PMM2: variants seen among roughly 807,000 people sequenced by gnomAD.
PMM2 encodes the protein phosphomannomutase 2.
A neutral mutation model predicts 33.2 loss-of-function variants in PMM2; 35 were observed. That is an observed-to-expected ratio of 1.06 (90% CI 0.81 to 1.40). PMM2 has a LOEUF of 1.40. Among genes scored for constraint, PMM2 ranks in the 40% most tolerant of loss-of-function variants. The probability of loss-of-function intolerance (pLI) is 0.00; values close to 1 mark genes in which losing one functional copy is unlikely to be tolerated. For synonymous variants in PMM2, 153 were observed against 114.7 expected, an observed-to-expected ratio of 1.33 and a Z score of -2.13; for missense variants, 386 against 306.0, an observed-to-expected ratio of 1.26 and a Z score of -1.95.
rs2060618205 is a variant in PMM2, at chr16:8,801,831, A to G, written c.99A>G (p.Gln33=). Residue 33 remains glutamine (Q), a synonymous_variant, in exon 2 of 8, where the codon CAA becomes CAG. Coordinates refer to ENST00000268261, the MANE Select transcript of PMM2 (RefSeq NM_000303.3). The stretch of plus-strand genomic sequence containing the variant: ...CCAAAGAAATGGATGACTTCCTACA[A>G]AAATTGAGGCAGAAGATCAAAATCG... The part of the protein sequence containing the change: ...KITKEMDDFL[Q]KLRQKIKIGV... The G allele has an allele frequency of 4.3e-6, 7 of 1,611,724 alleles. No homozygotes were observed. The highest frequency in any genetic ancestry group is 3.3e-5 in the South Asian group (3 of 90,932).
chr16:8,847,698 T>C, intron 7 of PMM2, 26 bp from the exon 8 acceptor site: 1 of 1,535,048 alleles, frequency 6.5e-7, no homozygotes, highest in Non-Finnish European at 9.0e-7. Context: ...AGGGGGAGCC[T>C]TCATCTGTAC....
intron 7 of PMM2, among the ~76,000 whole-genome samples, chr16:8,841,709 G>GA (rs2060891942): frequency 8.1e-6 from 1 of 122,976 alleles, no homozygotes; most frequent in Non-Finnish European, 1.8e-5. Flanking sequence ...TGAGGAACAG[G>GA]AAAGAAGGAA....
chr16:8,826,875 C>T (rs2060771423), intron 7 of PMM2, among the ~76,000 whole-genome samples: 1 of 152,028 alleles, frequency 6.6e-6, no homozygotes, highest in African/African-American at 2.4e-5. Flanking sequence ...CTGACTTGTC[C>T]TATGTGTCCC....
At chr16:8,807,050 A>G (rs951978935) in intron 4 of PMM2, 5 of 153,828 alleles carry the variant, frequency 3.3e-5, no homozygotes, top group African/African-American at 1.2e-4. Context: ...GCTGGAGTGC[A>G]GTGGCAGGAT....
chr16:8,798,065 C>T, intron 1 of PMM2, 117 bp downstream of exon 1: 2 of 965,228 alleles, frequency 2.1e-6, no homozygotes, highest in Non-Finnish European at 3.2e-6. Context: ...CCTACGTCCT[C>T]ACGGCGCTGA....
intron 7 of PMM2, among the ~76,000 whole-genome samples, chr16:8,845,967 C>G (rs541277216): frequency 4.6e-5 from 7 of 152,222 alleles, no homozygotes; most frequent in East Asian, 3.9e-4. Flanking sequence ...ATCAGAATTA[C>G]CAGAACTGAT....
intron 6 of PMM2, 97 bp downstream of exon 6, chr16:8,811,810 T>C: frequency 3.5e-6 from 3 of 852,912 alleles, no homozygotes; most frequent in Non-Finnish European, 6.1e-6. Context: ...TGTGCAGTTT[T>C]AGGTGGGCAG....
chr16:8,821,912 G>A (rs545013641), intron 7 of PMM2, among the ~76,000 whole-genome samples: 5 of 152,340 alleles, frequency 3.3e-5, no homozygotes, highest in South Asian at 2.1e-4. Context: ...ACTGCTCTAC[G>A]CCATTTCAGA....
intron 7 of PMM2, among the ~76,000 whole-genome samples, chr16:8,844,068 G>A (rs1036839820): frequency 4.6e-5 from 7 of 152,154 alleles, no homozygotes; most frequent in Admixed American, 1.3e-4. Context: ...CCCATTTTAC[G>A]ACAAGAATTA....
In PMM2 at chr16:8,848,390, C is replaced by G. The variant is rs933787370; in HGVS notation, c.*565C>G. 3 of 170,832 alleles carry G rather than the reference C, an allele frequency of 1.8e-5. No homozygotes were observed. Among genetic ancestry groups the G allele is most frequent in the African/African-American group, 7.2e-5 (3 of 41,872 alleles). The allele number at this position is 170,832 out of a possible 1,614,324, so 10.6% of individuals were successfully genotyped here. On this transcript the variant is annotated 3_prime_UTR_variant, in exon 8 of 8. Transcript: ENST00000268261. Reference sequence around the variant, plus strand: ...AGTGGGGCAGTGTGATACCCAGTGACTAGACGCACTCTGCGTTTTCCCGTG... The same window carrying G: ...AGTGGGGCAGTGTGATACCCAGTGAGTAGACGCACTCTGCGTTTTCCCGTG...
intron 1 of PMM2, among the ~76,000 whole-genome samples, chr16:8,800,179 T>G (rs1291224040): frequency 6.6e-6 from 1 of 151,892 alleles, no homozygotes; most frequent in Non-Finnish European, 1.5e-5. Context: ...GCCAACATGG[T>G]GAAACCCAGT....
At chr16:8,839,195 C>T (rs568805920) in intron 7 of PMM2, among the ~76,000 whole-genome samples, 3 of 151,996 alleles carry the variant, frequency 2.0e-5, no homozygotes, top group African/African-American at 7.2e-5. Flanking sequence ...GGGAGCTCTT[C>T]GTTCCTATTT....
chr16:8,832,270 T>A (rs1421661813), intron 7 of PMM2: 1 of 985,262 alleles, frequency 1.0e-6, no homozygotes, highest in Non-Finnish European at 1.2e-6. Context: ...ATGCAGATGC[T>A]CCTGCGAGCC....
chr16:8,832,303 G>T, intron 7 of PMM2: 1 of 985,452 alleles, frequency 1.0e-6, no homozygotes, highest in Non-Finnish European at 1.2e-6. Context: ...GAAAGCGGGT[G>T]GAGCTGAGAA....
chr16:8,816,473 G>T (rs1009867159), intron 7 of PMM2, among the ~76,000 whole-genome samples: 4 of 151,856 alleles, frequency 2.6e-5, no homozygotes, highest in Non-Finnish European at 5.9e-5. Context: ...GGGTGCGGTG[G>T]CTCACACCTA....
intron 7 of PMM2, among the ~76,000 whole-genome samples, chr16:8,830,410 A>G (rs2060802933): frequency 6.6e-6 from 1 of 152,228 alleles, no homozygotes; most frequent in African/African-American, 2.4e-5. Context: ...ATTATTACTC[A>G]AATCAGTCTC....
At chr16:8,802,190 C>G in intron 2 of PMM2, 1 of 473,880 alleles carries the variant, frequency 2.1e-6, no homozygotes, top group South Asian at 1.5e-5. Flanking sequence ...GCCTGGAATA[C>G]TTCTTGCTTG....
chr16:8,838,022 A>G (rs1441692240), intron 7 of PMM2, among the ~76,000 whole-genome samples: 3 of 152,126 alleles, frequency 2.0e-5, no homozygotes, highest in African/African-American at 7.2e-5. Flanking sequence ...TGTGAGCAAC[A>G]TGGCTGTTTA....
chr16:8,834,090 A>G (rs1439165673), intron 7 of PMM2, among the ~76,000 whole-genome samples: 1 of 152,208 alleles, frequency 6.6e-6, no homozygotes. Flanking sequence ...CTGGGGCCTA[A>G]TAAAAAGGAG....
Sources: gnomAD v4.1 joint callset for allele counts (sites outside exome capture counted in the v4.1 genomes callset) on GRCh38, gnomAD v4.1.1 for gene constraint, MANE v1.5 for transcripts, NCBI Gene and HGNC (gene_info 2026-07-23, HGNC 2026-07-21) for gene names.